Variants in ZFHX3 observed in about 807,000 individuals in gnomAD.
ZFHX3 encodes the protein zinc finger homeobox 3, also known as zinc finger homeobox protein 3.
In ZFHX3, 42 loss-of-function variants were observed where a neutral mutation model predicts 279.1. That is an observed-to-expected ratio of 0.15 (90% confidence interval 0.12 to 0.19). The LOEUF is 0.19. ZFHX3 is among the 10% of genes least tolerant of loss of function. ZFHX3 has a pLI of 1.00. For missense variants in ZFHX3, 4,981 were observed against 4,754.0 expected (o/e 1.05, Z -1.40); for synonymous variants, 2,293 against 1,957.8 (o/e 1.17, Z -4.52).
chr16:73,660,860 G>C (rs956021184), intron 2 of ZFHX3, among the ~76,000 whole-genome samples: 9 of 152,124 alleles, frequency 5.9e-5, no homozygotes, highest in African/African-American at 2.2e-4. Context: ...TTAACTTCAT[G>C]CAAACCTTCC....
chr16:73,786,498 G>C (rs1453503222), intron 1 of ZFHX3, among the ~76,000 whole-genome samples: 2 of 152,164 alleles, frequency 1.3e-5, no homozygotes, highest in Non-Finnish European at 2.9e-5. Flanking sequence ...GACAGTATCT[G>C]TACATCTTTT....
chr16:73,513,055 T>C (rs1382398733), intron 2 of ZFHX3, among the ~76,000 whole-genome samples: 1 of 152,198 alleles, frequency 6.6e-6, no homozygotes, highest in Admixed American at 6.5e-5. Context: ...CAGATAGTGG[T>C]ACATAATCAC....
intron 4 of ZFHX3, among the ~76,000 whole-genome samples, chr16:72,841,683 C>T (rs181181238): frequency 6.6e-6 from 1 of 152,346 alleles, no homozygotes; most frequent in African/African-American, 2.4e-5. Flanking sequence ...GCCCTGTAGA[C>T]TCAGCCTCAG....
chr16:72,965,746 A>G (rs1339093467), intron 1 of ZFHX3, among the ~76,000 whole-genome samples: 1 of 152,240 alleles, frequency 6.6e-6, no homozygotes, highest in Admixed American at 6.5e-5. Flanking sequence ...GAGTGACTTA[A>G]TGGATATGGA....
chr16:73,055,698 G>GCACACACACACACACACACA (rs71156135), intron 1 of ZFHX3, among the ~76,000 whole-genome samples: 1 of 109,434 alleles, frequency 9.1e-6, no homozygotes, highest in Non-Finnish European at 2.3e-5. Flanking sequence ...GCGCGCGCGC[G>GCACACACACACACACACACA]CACACACACA....
chr16:73,876,583 T>TA (rs1246237705), intron 1 of ZFHX3, among the ~76,000 whole-genome samples: 3 of 152,346 alleles, frequency 2.0e-5, no homozygotes, highest in African/African-American at 7.2e-5. Flanking sequence ...TGCTTTTTGC[T>TA]AAAATAAGTC....
chr16:72,831,894 T>C (rs990805582), intron 4 of ZFHX3, among the ~76,000 whole-genome samples: 3 of 152,176 alleles, frequency 2.0e-5, no homozygotes, highest in Non-Finnish European at 4.4e-5. Context: ...GTAGGAGTTA[T>C]TTATATCCTA....
chr16:73,805,262 A>C (rs1300651735), intron 1 of ZFHX3, among the ~76,000 whole-genome samples: 4 of 152,090 alleles, frequency 2.6e-5, no homozygotes, highest in Admixed American at 1.3e-4. Context: ...TCCGCCTCCC[A>C]GGTTCAAGCG....
chr16:73,276,599 A>T (rs73603349), intron 4 of ZFHX3, among the ~76,000 whole-genome samples: 1 of 152,192 alleles, frequency 6.6e-6, no homozygotes, highest in East Asian at 1.9e-4. Flanking sequence ...TCTTTTAAAA[A>T]TATTTCCTTT....
At chr16:73,362,328 G>A (rs1457740380) in intron 3 of ZFHX3, among the ~76,000 whole-genome samples, 1 of 152,174 alleles carries the variant, frequency 6.6e-6, no homozygotes, top group East Asian at 1.9e-4. Flanking sequence ...TTATCCTGGG[G>A]CAGCCAAGGT....
At chr16:72,944,561 G>A (rs993889948) in intron 3 of ZFHX3, among the ~76,000 whole-genome samples, 4 of 144,182 alleles carry the variant, frequency 2.8e-5, no homozygotes, top group Non-Finnish European at 6.0e-5. Flanking sequence ...TTCCAATTTT[G>A]TAAAATTCCT....
chr16:73,415,281 G>A (rs1489608189), intron 3 of ZFHX3, among the ~76,000 whole-genome samples: 2 of 152,298 alleles, frequency 1.3e-5, no homozygotes, highest in Admixed American at 1.3e-4. Context: ...AAGACATTAA[G>A]AAAATTTTTA....
chr16:72,983,895 T>C (rs1962732358), intron 1 of ZFHX3, among the ~76,000 whole-genome samples: 1 of 152,186 alleles, frequency 6.6e-6, no homozygotes, highest in African/African-American at 2.4e-5. Context: ...TGTGGTCTGA[T>C]ACTAAAGTCA....
At chr16:72,943,073 G>C (rs1440791949) in intron 3 of ZFHX3, among the ~76,000 whole-genome samples, 2 of 152,174 alleles carry the variant, frequency 1.3e-5, no homozygotes, top group African/African-American at 4.8e-5. Context: ...AAGAGGTTCT[G>C]CAAGACGTAA....
At chr16:73,619,217 G>A (rs1003867629) in intron 2 of ZFHX3, among the ~76,000 whole-genome samples, 2 of 152,058 alleles carry the variant, frequency 1.3e-5, no homozygotes, top group Admixed American at 6.6e-5. Context: ...GGCCGGGTGC[G>A]GTGGCTCATG....
intron 2 of ZFHX3, among the ~76,000 whole-genome samples, chr16:73,647,814 A>G (rs575628379): frequency 3.9e-5 from 6 of 152,244 alleles, no homozygotes; most frequent in Non-Finnish European, 8.8e-5. Flanking sequence ...TATCTATTAT[A>G]CACATACCTA....
intron 1 of ZFHX3, among the ~76,000 whole-genome samples, chr16:73,705,181 T>A (rs920154386): frequency 2.0e-5 from 3 of 152,234 alleles, no homozygotes; most frequent in Non-Finnish European, 4.4e-5. Flanking sequence ...TAATTATAAA[T>A]GTGTGTCACT....
At chr16:73,518,712 C>T (rs1450750836) in intron 2 of ZFHX3, among the ~76,000 whole-genome samples, 2 of 152,172 alleles carry the variant, frequency 1.3e-5, no homozygotes, top group Non-Finnish European at 1.5e-5. Context: ...AAAAAGAAAC[C>T]CATCTATCTA....
intron 1 of ZFHX3, among the ~76,000 whole-genome samples, chr16:73,047,415 G>GTGCA (rs1396103723): frequency 1.3e-5 from 2 of 152,292 alleles, no homozygotes; most frequent in African/African-American, 2.4e-5. Context: ...GCTGAAAAGG[G>GTGCA]TGCATTTTTA....
Sources: allele counts gnomAD v4.1 joint callset (sites outside exome capture counted in the v4.1 genomes callset), GRCh38; gene constraint gnomAD v4.1.1; transcripts MANE v1.5; gene names NCBI Gene and HGNC (gene_info 2026-07-23, HGNC 2026-07-21).